The following BCL2L1 variants were observed in gnomAD, a reference collection of about 807,000 sequenced individuals.
BCL2L1 encodes bcl-2-like protein 1.
Under a neutral mutation model 18.7 loss-of-function variants are expected in BCL2L1, and 1 was observed. The observed-to-expected ratio is 0.05, with a 90% CI of 0.02 to 0.25. The LOEUF (loss-of-function observed/expected upper bound fraction) is 0.25, where lower values mean the gene tolerates loss of function less well. BCL2L1 is among the 10% of genes least tolerant of loss of function. The pLI is 1.00. For missense variants in BCL2L1, 207 were observed against 304.9 expected (o/e 0.68, Z 2.39); for synonymous variants, 103 against 122.7 (o/e 0.84, Z 1.06).
chr20:31,666,802 G>GC (rs1179724349), intron 2 of BCL2L1, among the ~76,000 whole-genome samples: 1 of 152,104 alleles, frequency 6.6e-6, no homozygotes, highest in Non-Finnish European at 1.5e-5. Flanking sequence ...ATCCTCCACT[G>GC]CAGGGGGTGT....
At chr20:31,701,747 T>C (rs1325986703) in intron 2 of BCL2L1, among the ~76,000 whole-genome samples, 1 of 152,276 alleles carries the variant, frequency 6.6e-6, no homozygotes, top group Middle Eastern at 3.2e-3. Context: ...TGGCACTTAA[T>C]GAGCATTCAA....
intron 2 of BCL2L1, among the ~76,000 whole-genome samples, chr20:31,676,632 G>A (rs2060765901): frequency 6.6e-6 from 1 of 152,142 alleles, no homozygotes; most frequent in Non-Finnish European, 1.5e-5. Flanking sequence ...CCTTGGAACA[G>A]AGTCGGAGAC....
upstream of BCL2L1, chr20:31,723,449 G>T (rs922292010): frequency 1.0e-6 from 1 of 985,298 alleles, no homozygotes; most frequent in African/African-American, 1.7e-5. Flanking sequence ...CCCCGGGAGG[G>T]CTCCGGGGCC....
In BCL2L1 at chr20:31,721,769, C is replaced by G. The variant is rs1344875692; in HGVS notation, c.450G>C (p.Leu150=). The stretch of plus-strand genomic sequence containing the variant: ...TCTCCTTGTCTACGCTTTCCACGCA[C>G]AGTGCCCCGCCGAAGGAGAAAAAGG... ...IVAFFSFGGA[L]CVESVDKEMQ... The change falls in exon 2 of 3, where the codon CTG becomes CTC. Residue 150 remains leucine, a synonymous_variant. Coordinates refer to ENST00000307677, the MANE Select transcript of BCL2L1 (RefSeq NM_138578.3). 6.2e-7 allele frequency: 1 copy of G among 1,614,180 alleles called. No homozygotes were observed. Among genetic ancestry groups the G allele is most frequent in the Admixed American group, 1.7e-5 (1 of 60,024 alleles).
chr20:31,697,442 C>CT (rs781576582), intron 2 of BCL2L1, among the ~76,000 whole-genome samples: 197 of 142,650 alleles, frequency 1.4e-3, no homozygotes, highest in African/African-American at 2.7e-3. Flanking sequence ...AGGTGACTTT[C>CT]TTTTTTTTTT....
chr20:31,706,506 C>T (rs908160602), intron 2 of BCL2L1, among the ~76,000 whole-genome samples: 5 of 152,244 alleles, frequency 3.3e-5, no homozygotes, highest in African/African-American at 7.2e-5. Flanking sequence ...CCACCAAGTA[C>T]TAGGCCCAGC....
At chr20:31,698,954 C>G (rs957146228) in intron 2 of BCL2L1, among the ~76,000 whole-genome samples, 1 of 152,104 alleles carries the variant, frequency 6.6e-6, no homozygotes, top group African/African-American at 2.4e-5. Context: ...TGACCAGACT[C>G]TAAAAGTCTT....
chr20:31,670,619 G>T (rs992325052), intron 2 of BCL2L1, among the ~76,000 whole-genome samples: 1 of 152,178 alleles, frequency 6.6e-6, no homozygotes, highest in African/African-American at 2.4e-5. Context: ...CATTTCACCT[G>T]CCCCAGCTTC....
At chr20:31,687,377 C>T (rs1233929044) in intron 2 of BCL2L1, among the ~76,000 whole-genome samples, 3 of 150,860 alleles carry the variant, frequency 2.0e-5, no homozygotes, top group African/African-American at 4.9e-5. Context: ...CTCGGTCGGG[C>T]GCGGTGGCTC....
intron 2 of BCL2L1, among the ~76,000 whole-genome samples, chr20:31,674,218 G>A (rs896519527): frequency 2.0e-5 from 3 of 152,086 alleles, no homozygotes; most frequent in African/African-American, 7.2e-5. Context: ...CAGCAGCAGC[G>A]CACACTTCCT....
chr20:31,675,074 A>T (rs1361657145), intron 2 of BCL2L1, among the ~76,000 whole-genome samples: 2 of 152,140 alleles, frequency 1.3e-5, no homozygotes, highest in Non-Finnish European at 2.9e-5. Context: ...GACGAAGACC[A>T]GGAGGGAAAG....
At chr20:31,702,894 C>T (rs1196722195) in intron 2 of BCL2L1, among the ~76,000 whole-genome samples, 8 of 144,352 alleles carry the variant, frequency 5.5e-5, no homozygotes, top group Admixed American at 2.1e-4. Context: ...TGCAGTGAGC[C>T]GAAATGACAC....
Position 31,665,764 on chromosome 20 carries a change from T to A in BCL2L1, c.*185A>T. ...GGCCAAGGGAACTGAGGTGTGGGGG[T>A]CTCACAGAAGTGTGATAAATTCTAG... On this transcript the variant is annotated 3_prime_UTR_variant, in exon 3 of 3. Transcript: ENST00000307677. The A allele has an allele frequency of 1.4e-6, 1 of 737,380 alleles. No homozygotes were observed. The allele number at this position is 737,380 out of a possible 1,614,324, so 45.7% of individuals were successfully genotyped here.
intron 2 of BCL2L1, among the ~76,000 whole-genome samples, chr20:31,679,604 A>G (rs1312257227): frequency 6.6e-6 from 1 of 152,180 alleles, no homozygotes; most frequent in Non-Finnish European, 1.5e-5. Context: ...AGCAGAGTTC[A>G]ATGGTCCATG....
upstream of BCL2L1, chr20:31,723,457 G>A (rs1197738842): frequency 1.0e-6 from 1 of 985,394 alleles, no homozygotes; most frequent in Non-Finnish European, 1.2e-6. Context: ...GGGCTCCGGG[G>A]CCGGGGGCTG....
chr20:31,696,676 G>A lies in BCL2L1; in HGVS notation c.564+24979C>T, dbSNP rs867220368. Among the ~76,000 whole-genome samples, 22 of 152,328 alleles carry A rather than the reference G, an allele frequency of 1.4e-4. 1 individual carries two copies. The Middle Eastern group carries it at 0.01, about 71-fold the overall frequency. On this transcript the variant is annotated intron_variant, in intron 2 of 2. Transcript: ENST00000307677. The stretch of plus-strand genomic sequence containing the variant: ...GCCTGTAATCGCAGCACTTTGGGAC[G>A]TCAAGGTGGGAGGACTGCTTGAGCC...
chr20:31,693,808 T>C (rs1449007097), intron 2 of BCL2L1, among the ~76,000 whole-genome samples: 1 of 152,218 alleles, frequency 6.6e-6, no homozygotes, highest in Non-Finnish European at 1.5e-5. Flanking sequence ...GTGCTGGGAT[T>C]ACAGGCATAA....
At chr20:31,668,864 C>A (rs2060626370) in intron 2 of BCL2L1, among the ~76,000 whole-genome samples, 1 of 151,606 alleles carries the variant, frequency 6.6e-6, no homozygotes, top group African/African-American at 2.4e-5. Flanking sequence ...CTCGGCCTCC[C>A]AAAGTGCTGG....
At chr20:31,714,504 T>G (rs554000802) in intron 2 of BCL2L1, among the ~76,000 whole-genome samples, 1 of 152,280 alleles carries the variant, frequency 6.6e-6, no homozygotes, top group South Asian at 2.1e-4. Context: ...TGTGGAAAGA[T>G]AATAAGAATA....
Sources: allele counts gnomAD v4.1 joint callset (sites outside exome capture counted in the v4.1 genomes callset), GRCh38; gene constraint gnomAD v4.1.1; transcripts MANE v1.5; gene names NCBI Gene and HGNC (gene_info 2026-07-23, HGNC 2026-07-21).